SALL1: variants seen among roughly 807,000 people sequenced by gnomAD.
The protein encoded by SALL1 is spalt like transcription factor 1.
A neutral mutation model predicts 73.1 loss-of-function variants in SALL1; 10 were observed. That is an observed-to-expected ratio of 0.14 (90% CI 0.08 to 0.23). SALL1 has a LOEUF of 0.23. Among genes scored for constraint, SALL1 ranks in the 10% least tolerant of loss-of-function variants. The pLI is 1.00. For missense variants in SALL1, 1,520 were observed against 1,697.3 expected (o/e 0.90, Z 1.84); for synonymous variants, 688 against 689.8 (o/e 1.00, Z 0.04).
intron 1 of SALL1, 156 bp downstream of exon 1, chr16:51,151,010 A>G (rs1176622863): frequency 2.2e-6 from 1 of 456,900 alleles, no homozygotes; most frequent in Admixed American, 3.8e-5. Context: ...TTGAAAATTA[A>G]AAAGAAAAAA....
At chr16:51,149,492 C>T (rs960170008) in intron 1 of SALL1, 12 of 152,110 alleles carry the variant, frequency 7.9e-5, no homozygotes, top group Non-Finnish European at 1.8e-4. Context: ...CTTGGGTCAT[C>T]TCACCTCCAT....
chr16:51,139,072 T>G lies in SALL1; in HGVS notation c.3150A>C (p.Thr1050=). ...TKGNLKQHML[T]HQMRDLPSQL... ...GGGATGGCAGATCTCGCATCTGATG[T>G]GTCAACATGTGCTGCTTCAAATTAC... The change falls in exon 2 of 3, where the codon ACA becomes ACC. Residue 1050 remains threonine, a synonymous_variant. Coordinates refer to ENST00000251020, the MANE Select transcript of SALL1 (RefSeq NM_002968.3). 6.2e-7 allele frequency: 1 copy of G among 1,614,194 alleles called. No homozygotes were observed. The highest frequency in any genetic ancestry group is 8.5e-7 in the Non-Finnish European group (1 of 1,180,040).
Position 51,137,475 on chromosome 16 carries a change from T to C in SALL1, c.3612A>G (p.Thr1204=), listed in dbSNP as rs1962330699. The C allele has an allele frequency of 6.2e-7, 1 of 1,613,720 alleles. No individual in the cohort carries two copies. Among genetic ancestry groups the C allele is most frequent in the Non-Finnish European group, 8.5e-7 (1 of 1,179,940 alleles). ...ACTTGACGGGATTGCCTCCTAGAAA[T>C]GTCATGGGGCCATCCACAGAGAGCC... The part of the protein sequence containing the change: ...GRRLSVDGPM[T]FLGGNPVKFP... The change falls in exon 3 of 3, where the codon ACA becomes ACG. Residue 1204 remains threonine (T), a synonymous_variant. Coordinates refer to ENST00000251020, the MANE Select transcript of SALL1 (RefSeq NM_002968.3).
chr16:51,141,600 C>A lies in SALL1; in HGVS notation c.622G>T (p.Ala208Ser). The A allele has an allele frequency of 6.2e-7, 1 of 1,614,124 alleles. No individual in the cohort carries two copies. The highest frequency in any genetic ancestry group is 8.5e-7 in the Non-Finnish European group (1 of 1,180,036). The change falls in exon 2 of 3, where the codon GCC becomes TCC. Residue 208 changes from alanine (A) to serine (S), a missense_variant. Ala to Ser is a moderately conservative substitution (Grantham distance 99). Coordinates refer to ENST00000251020, the MANE Select transcript of SALL1 (RefSeq NM_002968.3). This position sits in a 1 kb window ranked among gnomAD's most constrained non-coding sequence, Gnocchi z 5.4. Reference sequence around the variant, plus strand: ...CACCTCGCTTCCTGGGAGAACTGGGCCACCGCCACCTTGGTGCTCTGGAGG... The same window carrying A: ...CACCTCGCTTCCTGGGAGAACTGGGACACCGCCACCTTGGTGCTCTGGAGG... ...ENLQSTKVAV[A>S]QFSQEARCGG...
At chr16:51,149,630 G>A (rs561770129) in intron 1 of SALL1, 1 of 152,242 alleles carries the variant, frequency 6.6e-6, no homozygotes, top group East Asian at 1.9e-4. Flanking sequence ...GCCGGGAGGA[G>A]GGCTATTGTA....
At chr16:51,151,295 C>T (rs745894452), upstream of SALL1, 6 of 1,351,632 alleles carry the variant, frequency 4.4e-6, no homozygotes, top group Non-Finnish European at 5.9e-6. Context: ...AAAAAATCTT[C>T]TCAAAATTAC....
chr16:51,138,616 A>G, intron 2 of SALL1, 72 bp downstream of exon 2: 2 of 1,542,048 alleles, frequency 1.3e-6, no homozygotes, highest in Non-Finnish European at 1.8e-6. Flanking sequence ...CTCTGGGGGC[A>G]TGCATTATAG....
At position 51,142,008 on chromosome 16, in the gene SALL1, A is replaced by C. The variant is rs772341719; in HGVS notation, c.214T>G (p.Leu72Val). 1.8e-5 allele frequency: 29 copies of C among 1,613,894 alleles called. No homozygotes were observed. Among genetic ancestry groups the C allele is most frequent in the Non-Finnish European group, 2.5e-5 (29 of 1,180,008 alleles). Reference sequence around the variant, plus strand: ...GAGGCTGGATTTTCATTTACGATTAAAACTAATTGATTTTTAGTACAGTTC... The same window carrying C: ...GAGGCTGGATTTTCATTTACGATTACAACTAATTGATTTTTAGTACAGTTC... Reference protein sequence around the residue: ...KKNCTKNQLVLIVNENPASPP... With the variant: ...KKNCTKNQLVVIVNENPASPP... The change falls in exon 2 of 3, where the codon TTA becomes GTA. Residue 72 changes from leucine to valine, a missense_variant. Leu to Val is a conservative substitution (Grantham distance 32, BLOSUM62 1). Coordinates refer to ENST00000251020, the MANE Select transcript of SALL1 (RefSeq NM_002968.3).
At position 51,141,834 on chromosome 16, in the gene SALL1, G is replaced by T; in HGVS notation, c.388C>A (p.Pro130Thr). 1 of 1,613,836 alleles carries T rather than the reference G, an allele frequency of 6.2e-7. No individual in the cohort carries two copies. The highest frequency in any genetic ancestry group is 8.5e-7 in the Non-Finnish European group (1 of 1,180,020). The change falls in exon 2 of 3, where the codon CCG (proline) becomes ACG (threonine). Residue 130 changes from proline (P) to threonine (T), a missense_variant. Physicochemically the swap from Pro to Thr is conservative, Grantham distance 38. Around this residue, in one of 7 missense-constraint regions of SALL1, gnomAD observed 540 missense variants for 567.5 expected, o/e 0.95. Transcript: ENST00000251020. The surrounding 1 kb of genome is among the most constrained non-coding windows in gnomAD (Gnocchi z 5.4). The stretch of plus-strand genomic sequence containing the variant: ...CCGCTGCCGCTTTTGTTAGCAACCG[G>T]GGCCTCCACCTCCATGGACTCTTCC... ...DREESMEVEA[P>T]VANKSGSGTS...
chr16:51,146,535 T>C lies in SALL1; in HGVS notation c.77-4390A>G, dbSNP rs116478037. Among the ~76,000 whole-genome samples, 851 of 152,300 alleles carry C rather than the reference T, an allele frequency of 5.6e-3. 7 individuals are homozygous for C. The highest frequency in any genetic ancestry group is 0.02 in the African/African-American group (821 of 41,574). ...GTTGTTTGAGGGTAAAACTGAGCTA[T>C]GGGAACTACCTGTCAATCTTCCCCT... On this transcript the variant is annotated intron_variant, in intron 1 of 2. Transcript: ENST00000251020.
Position 51,137,349 on chromosome 16 carries a change from C to T in SALL1, c.3738G>A (p.Ala1246=), listed in dbSNP as rs145953478. Residue 1246 remains alanine, a synonymous_variant, in exon 3 of 3, where the codon GCG becomes GCA. Coordinates refer to ENST00000251020, the MANE Select transcript of SALL1 (RefSeq NM_002968.3). ...TGACGGAGATCTCGTTGGCCTTCAT[C>T]GCCAGCCCGTTGGAGAGCGCTGCTG... ...QYAAALSNGL[A]MKANEISVIQ... The T allele has an allele frequency of 2.2e-5, 35 of 1,613,992 alleles. No homozygotes were observed. The highest frequency in any genetic ancestry group is 1.6e-4 in the Middle Eastern group (1 of 6,084).
Position 51,140,094 on chromosome 16 carries a change from T to C in SALL1, c.2128A>G (p.Ile710Val), listed in dbSNP as rs753959858. 6 of 1,614,090 alleles carry C rather than the reference T, an allele frequency of 3.7e-6. No homozygotes were observed. In the Admixed American group the frequency reaches 5.0e-5, roughly 13 times the overall value. Residue 710 changes from isoleucine (I) to valine (V), a missense_variant, in exon 2 of 3, where the codon ATC becomes GTC. By Grantham distance (29) the Ile-to-Val change is conservative. Around this residue, in one of 7 missense-constraint regions of SALL1, gnomAD observed 77 missense variants for 117.2 expected, o/e 0.66. Coordinates refer to ENST00000251020, the MANE Select transcript of SALL1 (RefSeq NM_002968.3). The surrounding 1 kb of genome is among the most constrained non-coding windows in gnomAD (Gnocchi z 5.7). Reference sequence around the variant, plus strand: ...TGGCAGCTGAGAACCCGGTGGCAGATGATGCACTCATTGGGGTCAGTGGCC... The same window carrying C: ...TGGCAGCTGAGAACCCGGTGGCAGACGATGCACTCATTGGGGTCAGTGGCC... The part of the protein sequence containing the change: ...KKATDPNECI[I>V]CHRVLSCQSA...
chr16:51,141,850 G>T lies in SALL1; in HGVS notation c.372C>A (p.Ser124=). 6.2e-7 allele frequency: 1 copy of T among 1,613,822 alleles called. No homozygotes were observed. The highest frequency in any genetic ancestry group is 1.1e-5 in the South Asian group (1 of 91,066). ...SEHNGLDREE[S]MEVEAPVANK... is the part of the protein sequence containing the mutation. ...TAGCAACCGGGGCCTCCACCTCCAT[G>T]GACTCTTCCCTGTCAAGTCCGTTGT... The change falls in exon 2 of 3, where the codon TCC becomes TCA. Residue 124 remains serine, a synonymous_variant. Transcript: ENST00000251020. The surrounding 1 kb of genome is among the most constrained non-coding windows in gnomAD (Gnocchi z 5.4).
chr16:51,150,642 G>A, intron 1 of SALL1: 1 of 898,312 alleles, frequency 1.1e-6, no homozygotes, highest in South Asian at 5.1e-5. Flanking sequence ...GTGCGTGGGG[G>A]CAGGGGGGCG....
chr16:51,144,145 ACAAT>A (rs1400827342), intron 1 of SALL1, among the ~76,000 whole-genome samples: 2 of 152,184 alleles, frequency 1.3e-5, no homozygotes, highest in African/African-American at 4.8e-5. Context: ...TCTTATTTTG[ACAAT>A]CAATTTTAAA....
chr16:51,136,106 A>C lies in SALL1; in HGVS notation c.*1006T>G, dbSNP rs1334505516. On this transcript the variant is annotated 3_prime_UTR_variant, in exon 3 of 3. Coordinates refer to ENST00000251020, the MANE Select transcript of SALL1 (RefSeq NM_002968.3). ...CCCCCTTTCCTTTCAACTTTCCAAG[A>C]AAGTGCATGTAACAGTCCAATTTTT... is the stretch of plus-strand genomic sequence containing the variant. 1.3e-5 allele frequency: 2 copies of C among 152,692 alleles called. No homozygotes were observed. The highest frequency in any genetic ancestry group is 4.8e-5 in the African/African-American group (2 of 41,474). 9.5% of individuals were successfully genotyped at this position (152,692 alleles called of 1,614,324 possible).
At chr16:51,147,433 T>C (rs762564331) in intron 1 of SALL1, among the ~76,000 whole-genome samples, 73 of 152,194 alleles carry the variant, frequency 4.8e-4, no homozygotes, top group Non-Finnish European at 8.7e-4. Context: ...CCAACTGCCT[T>C]ATCTTGCAGG....
intron 1 of SALL1, among the ~76,000 whole-genome samples, chr16:51,144,667 G>T (rs963533046): frequency 6.6e-6 from 1 of 152,108 alleles, no homozygotes; most frequent in African/African-American, 2.4e-5. Context: ...TAAAAGGAAG[G>T]TTACTTTACA....
rs1305933153 is a variant in SALL1, at chr16:51,141,234, T to C, written c.988A>G (p.Ile330Val). ...QLPQSSSGNTIIPSNSGSSPN... is the reference protein window; with the variant it reads ...QLPQSSSGNTVIPSNSGSSPN... The stretch of plus-strand genomic sequence containing the variant: ...GAAGAGCCGCTGTTGGATGGAATGA[T>C]GGTGTTGCCAGAACTGCTCTGAGGT... The change falls in exon 2 of 3, where the codon ATC (isoleucine) becomes GTC (valine). Residue 330 changes from isoleucine to valine, a missense_variant. By Grantham distance (29) the Ile-to-Val change is conservative. This residue lies in a region of SALL1 where 540 missense variants were observed against 567.5 expected (regional missense o/e 0.95). Transcript: ENST00000251020. The surrounding 1 kb of genome is among the most constrained non-coding windows in gnomAD (Gnocchi z 5.4). 1.9e-6 allele frequency: 3 copies of C among 1,614,030 alleles called. No individual in the cohort carries two copies. Among genetic ancestry groups the C allele is most frequent in the East Asian group, 4.5e-5 (2 of 44,870 alleles).
Sources: allele counts gnomAD v4.1 joint callset (sites outside exome capture counted in the v4.1 genomes callset), GRCh38; gene constraint gnomAD v4.1.1; regional missense constraint gnomAD v4.1.1; non-coding constraint Gnocchi (gnomAD v3.1); transcripts MANE v1.5; gene names NCBI Gene and HGNC (gene_info 2026-07-23, HGNC 2026-07-21).